Variants in CCDC196 observed in about 807,000 individuals in gnomAD.
CCDC196 encodes the protein coiled-coil domain-containing protein 196.
At chr14:66,492,216 C>T in intron 8 of CCDC196, 22 bp downstream of exon 8, 1 of 413,626 alleles carries the variant, frequency 2.4e-6, no homozygotes, top group East Asian at 3.6e-5. Context: ...ATCCCAGGTA[C>T]ACAGTTTGAG....
rs777041026 is a variant in CCDC196 at position 66,486,734 on chromosome 14, T to A, written c.128T>A (p.Met43Lys). Residue 43 changes from methionine to lysine, a missense_variant, in exon 2 of 10, where the codon ATG (methionine) becomes AAG (lysine). Coordinates refer to ENST00000636229, the MANE Select transcript of CCDC196 (RefSeq NM_001351576.1). ...LKLRKQELLE[M>K]LKPLEDKNNL... ...CTAAGGAAGCAGGAACTGCTAGAGA[T>A]GCTCAAACCTCTAGAAGATAAAAAC... The A allele has an allele frequency of 9.7e-6, 4 of 413,338 alleles. No homozygotes were observed. The highest frequency in any genetic ancestry group is 1.8e-5 in the Non-Finnish European group (4 of 226,120). 25.6% of individuals were successfully genotyped at this position (413,338 alleles called of 1,614,324 possible). A position where few individuals can be genotyped will look rare whatever the true frequency, so the allele number is the denominator to read the frequency against.
chr14:66,497,104 G>A (rs187612072), intron 8 of CCDC196, among the ~76,000 whole-genome samples: 160 of 152,242 alleles, frequency 1.1e-3, no homozygotes, highest in Non-Finnish European at 1.5e-3. Flanking sequence ...GGGCAGGGGC[G>A]GAAAACCACA....
intron 8 of CCDC196, chr14:66,494,889 G>A (rs895352826): frequency 6.6e-6 from 1 of 152,100 alleles, no homozygotes; most frequent in African/African-American, 2.4e-5. Flanking sequence ...AGCCAGGTGT[G>A]GTGGCACACA....
chr14:66,488,185 G>T lies in CCDC196; in HGVS notation c.229G>T (p.Ala77Ser). The change falls in exon 3 of 10, where the codon GCA becomes TCA. Residue 77 changes from alanine to serine, a missense_variant. Ala to Ser is a moderately conservative substitution (Grantham distance 99). Transcript: ENST00000636229. ...TCTTCAGATCATGAGACAGATCATG[G>T]CAGGGAAGGGGTGTGAGGAATCCTC... ...RSLQIMRQIM[A>S]GKGCEESSVM... 2.4e-6 allele frequency: 1 copy of T among 413,172 alleles called. No homozygotes were observed. The highest frequency in any genetic ancestry group is 3.6e-5 in the East Asian group (1 of 28,078). 25.6% of individuals were successfully genotyped at this position (413,172 alleles called of 1,614,324 possible). A position where few individuals can be genotyped will look rare whatever the true frequency, so the allele number is the denominator to read the frequency against.
intron 4 of CCDC196, 48 bp downstream of exon 4, chr14:66,489,085 G>T (rs72724558): frequency 7.3e-6 from 3 of 412,810 alleles, no homozygotes; most frequent in Non-Finnish European, 1.3e-5. Flanking sequence ...AGATCACAAC[G>T]CAAAGAACCT....
chr14:66,492,475 G>A (rs1594741824), intron 8 of CCDC196, among the ~76,000 whole-genome samples: 1 of 151,854 alleles, frequency 6.6e-6, no homozygotes, highest in East Asian at 1.9e-4. Context: ...CCGAGTAGCT[G>A]GGATTACAGG....
At chr14:66,495,220 T>G (rs2057634818) in intron 8 of CCDC196, among the ~76,000 whole-genome samples, 1 of 152,168 alleles carries the variant, frequency 6.6e-6, no homozygotes, top group Admixed American at 6.5e-5. Context: ...CATCAAATTT[T>G]GGCAAATTGT....
intron 4 of CCDC196, among the ~76,000 whole-genome samples, chr14:66,490,536 AG>A (rs1341384801): frequency 6.6e-6 from 1 of 152,160 alleles, no homozygotes; most frequent in Non-Finnish European, 1.5e-5. Context: ...TCCAGCTAAT[AG>A]TTTTCATTCC....
chr14:66,491,145 G>C, intron 6 of CCDC196, 41 bp downstream of exon 6: 1 of 412,760 alleles, frequency 2.4e-6, no homozygotes, highest in East Asian at 3.6e-5. Context: ...TTTAGAGCTA[G>C]TAAACTAGAA....
intron 8 of CCDC196, among the ~76,000 whole-genome samples, chr14:66,494,096 ATCT>A (rs1376650508): frequency 2.0e-5 from 3 of 152,224 alleles, no homozygotes; most frequent in Admixed American, 1.3e-4. Context: ...ACAGATCCAC[ATCT>A]TCTTTTCTCT....
At chr14:66,495,675 A>G (rs1594746971) in intron 8 of CCDC196, 2 of 152,632 alleles carry the variant, frequency 1.3e-5, no homozygotes, top group Admixed American at 1.3e-4. Flanking sequence ...AGTAGGTGGC[A>G]CCAACCACAT....
chr14:66,495,402 A>T lies in CCDC196; in HGVS notation c.716-2707A>T, dbSNP rs138381711. 2.9e-3 allele frequency among the ~76,000 whole-genome samples: 440 copies of T among 152,320 alleles called. 2 individuals carry two copies. Among genetic ancestry groups the T allele is most frequent in the Non-Finnish European group, 4.4e-3 (297 of 68,024 alleles). The stretch of plus-strand genomic sequence containing the variant: ...ACTTAATACCTTGTGCAACCCTCAC[A>T]GTGACTCTATGAAAGGTATTATAGA... On this transcript the variant is annotated intron_variant, in intron 8 of 9. Coordinates refer to ENST00000636229, the MANE Select transcript of CCDC196 (RefSeq NM_001351576.1).
chr14:66,497,840 C>T (rs2057702479), intron 8 of CCDC196, among the ~76,000 whole-genome samples: 1 of 152,006 alleles, frequency 6.6e-6, no homozygotes, highest in South Asian at 2.1e-4. Flanking sequence ...TGTATATATA[C>T]ACATAACTTA....
rs1346922707 is a variant in CCDC196, at chr14:66,498,437, C to T, written c.859C>T (p.Leu287=). ...TAATACAGGAGGGAGACTCTTTTTT[C>T]TGAGGTCATTGCCAGATGAAGCACT... ...LDNTGGRLFF[L]RSLPDEALKN The change falls in exon 10 of 10, where the codon CTG becomes TTG. Residue 287 remains leucine, a synonymous_variant. Transcript: ENST00000636229. The T allele has an allele frequency of 7.3e-6, 3 of 413,254 alleles. No homozygotes were observed. The highest frequency in any genetic ancestry group is 6.2e-5 in the African/African-American group (3 of 48,578). 25.6% of individuals were successfully genotyped at this position (413,254 alleles called of 1,614,324 possible).
rs1448383134 is a variant in CCDC196 at position 66,491,906 on chromosome 14, G to GA, written c.574-142dup. The GA allele has an allele frequency of 9.9e-5, 40 of 405,576 alleles. No individual in the cohort carries two copies. The Admixed American group carries it at 1.4e-3, about 14-fold the overall frequency. The allele number at this position is 405,576 out of a possible 1,614,324, so 25.1% of individuals were successfully genotyped here. On this transcript the variant is annotated intron_variant, in intron 7 of 9. Transcript: ENST00000636229. ...TTGATTTCGTTCTATTCTAAATGGGGAAAAATCACAAATACTTTCTACCCA... is the reference window on the plus strand; with the variant it reads ...TTGATTTCGTTCTATTCTAAATGGGGAAAAAATCACAAATACTTTCTACCCA...
intron 4 of CCDC196, 70 bp from the exon 5 acceptor site, chr14:66,490,672 C>A: frequency 2.5e-6 from 1 of 398,418 alleles, no homozygotes; most frequent in South Asian, 1.3e-4. Context: ...AAACCTTGAC[C>A]CATATTGGTT....
At position 66,488,169 on chromosome 14, in the gene CCDC196, C is replaced by T. The variant is rs1032366502; in HGVS notation, c.213C>T (p.Ile71=). Residue 71 remains isoleucine, a synonymous_variant, in exon 3 of 10, where the codon ATC becomes ATT. Transcript: ENST00000636229. ...NLEEKQRSLQ[I]MRQIMAGKGC... ...CCTCTCTTTCTTCTAGTCTTCAGAT[C>T]ATGAGACAGATCATGGCAGGGAAGG... The T allele has an allele frequency of 2.2e-5, 9 of 412,962 alleles. No homozygotes were observed. The highest frequency in any genetic ancestry group is 6.2e-4 in the Middle Eastern group (1 of 1,610). The allele number at this position is 412,962 out of a possible 1,614,324, so 25.6% of individuals were successfully genotyped here.
At chr14:66,489,294 A>G (rs915783020) in intron 4 of CCDC196, among the ~76,000 whole-genome samples, 42 of 152,196 alleles carry the variant, frequency 2.8e-4, no homozygotes, top group Non-Finnish European at 7.3e-5. Flanking sequence ...CCTCTCATAG[A>G]TGTCCTTCCC....
At chr14:66,489,129 T>C (rs1218383095) in intron 4 of CCDC196, 92 bp downstream of exon 4, 11 of 411,664 alleles carry the variant, frequency 2.7e-5, no homozygotes, top group African/African-American at 4.1e-5. Context: ...CATTGTTTCA[T>C]GTCCTTGCTT....
Sources: allele counts gnomAD v4.1 joint callset (sites outside exome capture counted in the v4.1 genomes callset), GRCh38; gene constraint gnomAD v4.1.1; transcripts MANE v1.5; gene names NCBI Gene and HGNC (gene_info 2026-07-23, HGNC 2026-07-21).